The following ALDH1L1 variants were observed in gnomAD, a reference collection of about 807,000 sequenced individuals.
The protein encoded by ALDH1L1 is cytosolic 10-formyltetrahydrofolate dehydrogenase.
Under a neutral mutation model 101.1 loss-of-function variants are expected in ALDH1L1, and 68 were observed. The observed-to-expected ratio is 0.67, with a 90% CI of 0.55 to 0.82. ALDH1L1 has a LOEUF of 0.82. Among genes scored for constraint, ALDH1L1 ranks in the 40% least tolerant of loss-of-function variants. The pLI, the probability that ALDH1L1 is intolerant of heterozygous loss-of-function variation, is 0.00. For missense variants in ALDH1L1, 1,087 were observed against 1,172.7 expected, an observed-to-expected ratio of 0.93 and a Z score of 1.07; for synonymous variants, 486 against 470.8, an observed-to-expected ratio of 1.03 and a Z score of -0.42.
intron 11 of ALDH1L1, among the ~76,000 whole-genome samples, chr3:126,136,135 C>G (rs1160452676): frequency 6.6e-6 from 1 of 152,232 alleles, no homozygotes; most frequent in Non-Finnish European, 1.5e-5. Context: ...CTCCCTCTCC[C>G]TTTGCAGATG....
rs769124281 is a variant in ALDH1L1 at position 126,122,730 on chromosome 3, G to A, written c.1888+1634C>T. 3.3e-5 allele frequency among the ~76,000 whole-genome samples: 5 copies of A among 152,188 alleles called. No individual in the cohort carries two copies. In the South Asian group the frequency reaches 6.2e-4, roughly 19 times the overall value. ...AAGTAACATTTGTACATTTCACTGGGATTAAGTTCGTATAAATCTGAAGTT... is the reference window on the plus strand; with the variant it reads ...AAGTAACATTTGTACATTTCACTGGAATTAAGTTCGTATAAATCTGAAGTT... On this transcript the variant is annotated intron_variant, in intron 16 of 22. Coordinates refer to ENST00000393434, the MANE Select transcript of ALDH1L1 (RefSeq NM_012190.4).
At chr3:126,125,060 C>T (rs1427036102) in intron 15 of ALDH1L1, among the ~76,000 whole-genome samples, 3 of 152,138 alleles carry the variant, frequency 2.0e-5, no homozygotes, top group Admixed American at 6.5e-5. Context: ...AACTGAGGCT[C>T]ACTGGGTATG....
intron 17 of ALDH1L1, among the ~76,000 whole-genome samples, chr3:126,117,239 GA>G (rs199514703): frequency 0.074 from 9,236 of 125,336 alleles, 858 homozygotes; most frequent in African/African-American, 0.23. Context: ...AGACTCCATT[GA>G]AAAAAAAAAA....
intron 9 of ALDH1L1, among the ~76,000 whole-genome samples, chr3:126,139,557 G>A (rs1217567281): frequency 6.6e-6 from 1 of 152,174 alleles, no homozygotes; most frequent in African/African-American, 2.4e-5. Flanking sequence ...ATAATTTGAA[G>A]AAGGTACCCC....
At chr3:126,137,029 G>A (rs1384252994) in intron 10 of ALDH1L1, 146 bp from the exon 11 acceptor site, 4 of 1,234,800 alleles carry the variant, frequency 3.2e-6, no homozygotes, top group African/African-American at 1.5e-5. Context: ...GCAGGGGAGA[G>A]ACAAAGGACA....
chr3:126,112,481 G>T (rs1006456822), intron 19 of ALDH1L1, among the ~76,000 whole-genome samples: 3 of 152,220 alleles, frequency 2.0e-5, no homozygotes, highest in African/African-American at 7.2e-5. Context: ...AGTCCACTCT[G>T]AGTAAATCAC....
At chr3:126,193,603 G>A (rs538803903) in intron 1 of ALDH1L1, among the ~76,000 whole-genome samples, 4 of 152,094 alleles carry the variant, frequency 2.6e-5, no homozygotes, top group South Asian at 2.1e-4. Flanking sequence ...TGTTTCTTTC[G>A]GCTGGGCTCA....
At chr3:126,127,242 G>A (rs1471464972) in intron 14 of ALDH1L1, among the ~76,000 whole-genome samples, 1 of 152,196 alleles carries the variant, frequency 6.6e-6, no homozygotes, top group Non-Finnish European at 1.5e-5. Context: ...GGTCAAAGGA[G>A]CAGGGCTGCA....
chr3:126,164,721 T>C (rs1485378963), intron 1 of ALDH1L1, among the ~76,000 whole-genome samples: 3 of 152,246 alleles, frequency 2.0e-5, no homozygotes, highest in Non-Finnish European at 4.4e-5. Flanking sequence ...TCTATTTTCC[T>C]TTGGGTATAT....
rs556465378 is a variant in ALDH1L1 at position 126,195,454 on chromosome 3, G to C, written c.-24+2281C>G. Among the ~76,000 whole-genome samples the C allele has an allele frequency of 3.0e-4, 45 of 152,282 alleles. 1 individual carries two copies. The South Asian group carries it at 7.9e-3, about 27-fold the overall frequency. ...AGGCAGAACAAAAGAAGACCCAGTA[G>C]TTTCTCAACAGGAGCTGGAGAGGAT... is the stretch of plus-strand genomic sequence containing the variant. On this transcript the variant is annotated intron_variant, in intron 1 of 2. Coordinates refer to the ALDH1L1 transcript ENST00000509952.
At chr3:126,124,334 C>T in intron 16 of ALDH1L1, 30 bp downstream of exon 16, 1 of 1,587,344 alleles carries the variant, frequency 6.3e-7, no homozygotes, top group Non-Finnish European at 8.6e-7. Flanking sequence ...TGCCAGAAGC[C>T]CTAGCCCTGC....
chr3:126,168,115 TAAATA>T (rs1322866468), intron 1 of ALDH1L1, among the ~76,000 whole-genome samples: 3 of 152,124 alleles, frequency 2.0e-5, no homozygotes, highest in East Asian at 1.9e-4. Flanking sequence ...GTCTTAAAAT[TAAATA>T]AAATAAAGTG....
chr3:126,114,899 A>G (rs1011904691), intron 17 of ALDH1L1: 5 of 551,342 alleles, frequency 9.1e-6, no homozygotes, highest in Non-Finnish European at 1.7e-5. Context: ...CCTGCTGCCC[A>G]CTCCACACCT....
rs747879660 is a variant in ALDH1L1, at chr3:126,157,524, G to C, written c.363-16C>G. 1 of 1,611,638 alleles carries C rather than the reference G, an allele frequency of 6.2e-7. No homozygotes were observed. Among genetic ancestry groups the C allele is most frequent in the East Asian group, 2.2e-5 (1 of 44,834 alleles). ...AATGAGGGTCCTAGGAAGCAGAAGA[G>C]TGAAACCTGGAGTCCACGATGAAGG... On this transcript the variant is annotated splice_polypyrimidine_tract_variant and intron_variant, in intron 3 of 22. Transcript: ENST00000393434.
Position 126,131,531 on chromosome 3 carries a change from C to A in ALDH1L1, c.1476G>T (p.Leu492Phe), listed in dbSNP as rs1343214075. ...CCTGGTGCTGCTCCATGAGATCTGC[C>A]AACCTGACCAGGGTGAGGGGAAGCG... is the stretch of plus-strand genomic sequence containing the variant. ...ARDRGRLMYR[L>F]ADLMEQHQEE... The change falls in exon 13 of 23, where the codon TTG (leucine) becomes TTT (phenylalanine). Residue 492 changes from leucine to phenylalanine, a missense_variant. Transcript: ENST00000393434. 3 of 1,605,874 alleles carry A rather than the reference C, an allele frequency of 1.9e-6. No individual in the cohort carries two copies. Among genetic ancestry groups the A allele is most frequent in the Non-Finnish European group, 2.6e-6 (3 of 1,173,358 alleles).
intron 12 of ALDH1L1, among the ~76,000 whole-genome samples, chr3:126,134,893 G>T (rs888162900): frequency 6.6e-6 from 1 of 152,058 alleles, no homozygotes; most frequent in Non-Finnish European, 1.5e-5. Flanking sequence ...CCTCTGTGAG[G>T]GTGACTGCTC....
In ALDH1L1 at chr3:126,137,848, C is replaced by T. The variant is rs779813088; in HGVS notation, c.1189G>A (p.Gly397Arg). The T allele has an allele frequency of 3.2e-5, 52 of 1,614,104 alleles. No homozygotes were observed. The highest frequency in any genetic ancestry group is 4.1e-5 in the Non-Finnish European group (48 of 1,180,046). ...CTGCACTCGCCCTCCTCATCGTCCCCTCGCAGCTTCCTCACTAACAGCTGG... is the reference window on the plus strand; with the variant it reads ...CTGCACTCGCCCTCCTCATCGTCCCTTCGCAGCTTCCTCACTAACAGCTGG... Reference protein sequence around the residue: ...FIQLLVRKLRGDDEEGECSID... With the variant: ...FIQLLVRKLRRDDEEGECSID... Residue 397 changes from glycine to arginine, a missense_variant, in exon 10 of 23, where the codon GGG (glycine) becomes AGG (arginine). Around this residue, in one of 2 missense-constraint regions of ALDH1L1, gnomAD observed 645 missense variants for 637.0 expected, o/e 1.01. Transcript: ENST00000393434.
At chr3:126,147,611 G>A (rs2080721978) in intron 8 of ALDH1L1, among the ~76,000 whole-genome samples, 1 of 152,202 alleles carries the variant, frequency 6.6e-6, no homozygotes. Context: ...GGCTGCTGGT[G>A]AGGCCCAGTG....
chr3:126,174,970 A>C lies in ALDH1L1; in HGVS notation c.-24+5506T>G, dbSNP rs77741486. On this transcript the variant is annotated intron_variant, in intron 1 of 22. Coordinates refer to ENST00000393434, the MANE Select transcript of ALDH1L1 (RefSeq NM_012190.4). ...AAAACCTAAAGCTGGTTCCTTGAAA[A>C]GATGAATAAAACTGAGACACCTCTA... is the stretch of plus-strand genomic sequence containing the variant. 1.7e-3 allele frequency among the ~76,000 whole-genome samples: 257 copies of C among 152,270 alleles called. 4 individuals are homozygous for C. In the East Asian group the frequency reaches 0.042, roughly 25 times the overall value.
Sources: gnomAD v4.1 joint callset for allele counts (sites outside exome capture counted in the v4.1 genomes callset) on GRCh38, gnomAD v4.1.1 for gene constraint, gnomAD v4.1.1 regional missense constraint, MANE v1.5 for transcripts, NCBI Gene and HGNC (gene_info 2026-07-23, HGNC 2026-07-21) for gene names.